The following MARCHF8 variants were observed in gnomAD, a reference collection of about 807,000 sequenced individuals.
MARCHF8 encodes the protein E3 ubiquitin-protein ligase MARCHF8.
A neutral mutation model predicts 51.6 loss-of-function variants in MARCHF8; 40 were observed. The ratio of observed to expected loss-of-function variants is 0.77; its 90% CI spans 0.60 to 1.01. The LOEUF (loss-of-function observed/expected upper bound fraction) is 1.01. Among genes scored for constraint, MARCHF8 ranks in the 50% least tolerant of loss-of-function variants. The pLI, the probability that MARCHF8 is intolerant of heterozygous loss-of-function variation, is 0.00. For missense variants in MARCHF8, 685 were observed against 708.6 expected (o/e 0.97, Z 0.38); for synonymous variants, 263 against 280.3 (o/e 0.94, Z 0.62).
chr10:45,525,512 G>C (rs1291620941), intron 2 of MARCHF8, among the ~76,000 whole-genome samples: 1 of 152,166 alleles, frequency 6.6e-6, no homozygotes, highest in Non-Finnish European at 1.5e-5. Context: ...AAGAATTCCA[G>C]ATAATTCATG....
chr10:45,589,910 T>A (rs1346216346), intron 1 of MARCHF8, among the ~76,000 whole-genome samples: 3 of 152,334 alleles, frequency 2.0e-5, no homozygotes, highest in African/African-American at 7.2e-5. Context: ...TATGTTTTCA[T>A]TTCTCTTGGG....
At chr10:45,591,722 T>C (rs549854154) in intron 1 of MARCHF8, among the ~76,000 whole-genome samples, 1 of 152,298 alleles carries the variant, frequency 6.6e-6, no homozygotes, top group African/African-American at 2.4e-5. Context: ...ATAAAGGAGA[T>C]GAGAGCATCA....
chr10:45,577,661 A>C (rs1344464084), intron 1 of MARCHF8, among the ~76,000 whole-genome samples: 1 of 152,184 alleles, frequency 6.6e-6, no homozygotes, highest in Non-Finnish European at 1.5e-5. Context: ...CAGCTGCTAG[A>C]ACCATAAGAA....
At chr10:45,535,501 CA>C (rs1024339657), upstream of MARCHF8, 3 of 152,186 alleles carry the variant, frequency 2.0e-5, no homozygotes, top group Admixed American at 2.0e-4. Context: ...AAATTTTTTA[CA>C]GTTTTGAAGG....
chr10:45,546,572 C>T (rs955501868), intron 1 of MARCHF8, among the ~76,000 whole-genome samples: 5 of 151,862 alleles, frequency 3.3e-5, no homozygotes, highest in Admixed American at 6.6e-5. Flanking sequence ...ACTTAAGCTC[C>T]GGAGTTTGAG....
chr10:45,535,454 T>A (rs2043958631), upstream of MARCHF8: 1 of 152,358 alleles, frequency 6.6e-6, no homozygotes, highest in South Asian at 2.1e-4. Context: ...TGAGAAGGGC[T>A]ATTTATGGCA....
At chr10:45,540,902 T>C (rs1203393947) in intron 1 of MARCHF8, among the ~76,000 whole-genome samples, 1 of 152,142 alleles carries the variant, frequency 6.6e-6, no homozygotes, top group African/African-American at 2.4e-5. Flanking sequence ...TGGCGATCAT[T>C]AAAAAGTCAG....
chr10:45,490,449 A>C (rs1378024565), intron 2 of MARCHF8, among the ~76,000 whole-genome samples: 1 of 152,138 alleles, frequency 6.6e-6, no homozygotes, highest in Non-Finnish European at 1.5e-5. Flanking sequence ...CAGAGGGAGA[A>C]GATGGCCATC....
At chr10:45,567,932 A>AT (rs1285990451) in intron 1 of MARCHF8, among the ~76,000 whole-genome samples, 1 of 152,118 alleles carries the variant, frequency 6.6e-6, no homozygotes, top group African/African-American at 2.4e-5. Context: ...ATATTTTTCC[A>AT]TTTTTTGGTG....
intron 2 of MARCHF8, among the ~76,000 whole-genome samples, chr10:45,507,728 A>G (rs2043413111): frequency 2.0e-5 from 3 of 152,154 alleles, no homozygotes; most frequent in Admixed American, 2.0e-4. Flanking sequence ...ATCAGCTGTA[A>G]AGGACAAAAA....
intron 1 of MARCHF8, among the ~76,000 whole-genome samples, chr10:45,581,099 A>G (rs2044550640): frequency 6.6e-6 from 1 of 152,082 alleles, no homozygotes. Flanking sequence ...GCTGAGCGGT[A>G]TTCGTAAGTC....
intron 1 of MARCHF8, among the ~76,000 whole-genome samples, chr10:45,572,172 TTC>T (rs1193965611): frequency 1.9e-5 from 2 of 103,164 alleles, no homozygotes; most frequent in African/African-American, 7.6e-5. Flanking sequence ...CCCTTACCCC[TTC>T]TCTCTGTGTC....
rs1362166638 is a variant in MARCHF8 at position 45,463,266 on chromosome 10, C to T, written c.973G>A (p.Val325Ile). 2 of 1,550,956 alleles carry T rather than the reference C, an allele frequency of 1.3e-6. No homozygotes were observed. Among genetic ancestry groups the T allele is most frequent in the Non-Finnish European group, 1.7e-6 (2 of 1,147,080 alleles). Residue 325 changes from valine (V) to isoleucine (I), a missense_variant, in exon 5 of 8, where the codon GTT (valine) becomes ATT (isoleucine). Coordinates refer to ENST00000453424, the MANE Select transcript of MARCHF8 (RefSeq NM_001282866.2). ...DSTSAKLKSR[V>I]LRAPLCSTEK... ...GTGGAGCAGAGGGGCGCCCGCAGAA[C>T]CCTACTCTTCAGTTTTGCAGATGTG...
At chr10:45,462,634 G>GC (rs1554804340) in intron 5 of MARCHF8, among the ~76,000 whole-genome samples, 2 of 145,126 alleles carry the variant, frequency 1.4e-5, no homozygotes, top group Non-Finnish European at 3.0e-5. Context: ...GTTTTGTTTT[G>GC]TTTTTTTTTA....
At chr10:45,536,430 C>T (rs561889215), upstream of MARCHF8, among the ~76,000 whole-genome samples, 1 of 151,844 alleles carries the variant, frequency 6.6e-6, no homozygotes, top group African/African-American at 2.4e-5. Context: ...AACTTTTGTG[C>T]TTCAAAAGAC....
At chr10:45,551,406 C>T (rs567762437) in intron 1 of MARCHF8, among the ~76,000 whole-genome samples, 1 of 151,692 alleles carries the variant, frequency 6.6e-6, no homozygotes, top group African/African-American at 2.4e-5. Context: ...TTTAGAGATG[C>T]AATTTTTTTT....
intron 3 of MARCHF8, among the ~76,000 whole-genome samples, chr10:45,474,632 T>TAG (rs989511986): frequency 2.5e-4 from 38 of 152,358 alleles, no homozygotes; most frequent in African/African-American, 8.9e-4. Flanking sequence ...GATGGCTGAC[T>TAG]AGAGGCATCT....
intron 3 of MARCHF8, among the ~76,000 whole-genome samples, chr10:45,474,833 C>T (rs2042757296): frequency 6.6e-6 from 1 of 152,114 alleles, no homozygotes; most frequent in Non-Finnish European, 1.5e-5. Flanking sequence ...GAGCGATCCC[C>T]AGCGGTCCAC....
chr10:45,576,496 T>C (rs562087326), intron 1 of MARCHF8, among the ~76,000 whole-genome samples: 13 of 152,192 alleles, frequency 8.5e-5, no homozygotes, highest in Non-Finnish European at 1.8e-4. Context: ...ATGCAAGAAG[T>C]ACCACCCCCT....
Sources: allele counts gnomAD v4.1 joint callset (sites outside exome capture counted in the v4.1 genomes callset), GRCh38; gene constraint gnomAD v4.1.1; transcripts MANE v1.5; gene names NCBI Gene and HGNC (gene_info 2026-07-23, HGNC 2026-07-21).